The following PTPRM variants were observed in gnomAD, a reference collection of about 807,000 sequenced individuals.
The protein encoded by PTPRM is protein tyrosine phosphatase receptor type M.
PTPRM carries 47 observed loss-of-function variants against 186.7 expected under a neutral mutation model. The observed-to-expected ratio is 0.25, with a 90% CI of 0.20 to 0.32. The LOEUF (loss-of-function observed/expected upper bound fraction) is 0.32. Among genes scored for constraint, PTPRM ranks in the 10% least tolerant of loss-of-function variants. PTPRM has a pLI of 1.00. For synonymous variants in PTPRM, 668 were observed against 674.9 expected (o/e 0.99, Z 0.16); for missense variants, 1,494 against 1,865.0 (o/e 0.80, Z 3.66).
At chr18:7,782,134 A>C (rs2042886482) in intron 2 of PTPRM, among the ~76,000 whole-genome samples, 1 of 152,162 alleles carries the variant, frequency 6.6e-6, no homozygotes, top group Non-Finnish European at 1.5e-5. Flanking sequence ...AAAACAAACC[A>C]TTTCATGTCA....
chr18:7,628,372 C>T (rs2144048693), intron 1 of PTPRM, among the ~76,000 whole-genome samples: 1 of 152,274 alleles, frequency 6.6e-6, no homozygotes, highest in East Asian at 1.9e-4. Context: ...TTCTGTTATT[C>T]CCTAGTGTAT....
At chr18:7,721,313 A>G (rs1347129487) in intron 1 of PTPRM, among the ~76,000 whole-genome samples, 1 of 151,742 alleles carries the variant, frequency 6.6e-6, no homozygotes, top group Non-Finnish European at 1.5e-5. Flanking sequence ...GCTATTTTAT[A>G]ATTGGATTTT....
chr18:8,073,364 A>G (rs1282986568), intron 8 of PTPRM, among the ~76,000 whole-genome samples: 3 of 152,262 alleles, frequency 2.0e-5, no homozygotes, highest in African/African-American at 7.2e-5. Context: ...TGTCATCATC[A>G]TAAACACTTT....
intron 1 of PTPRM, among the ~76,000 whole-genome samples, chr18:7,688,698 C>T (rs978722403): frequency 2.0e-5 from 3 of 152,176 alleles, no homozygotes; most frequent in African/African-American, 7.2e-5. Context: ...ACACCTGTTC[C>T]CCTTCTGGCA....
intron 19 of PTPRM, among the ~76,000 whole-genome samples, chr18:8,288,342 A>G (rs1324945242): frequency 2.0e-5 from 3 of 152,206 alleles, no homozygotes; most frequent in Non-Finnish European, 4.4e-5. Flanking sequence ...CAGCCTCGAG[A>G]AGACATTCCA....
At chr18:8,314,560 G>A (rs1393986788) in intron 20 of PTPRM, among the ~76,000 whole-genome samples, 1 of 152,188 alleles carries the variant, frequency 6.6e-6, no homozygotes, top group Non-Finnish European at 1.5e-5. Flanking sequence ...AATGATCAAA[G>A]AATAAGTTAA....
intron 32 of PTPRM, chr18:8,399,560 C>T (rs58876040): frequency 3.0e-4 from 46 of 152,332 alleles, no homozygotes; most frequent in African/African-American, 1.0e-3. Context: ...TAGAAGGCTA[C>T]GGGGCTTTTC....
In PTPRM at chr18:7,568,686, C is replaced by T. The variant is rs1047339971; in HGVS notation, c.73+795C>T. On this transcript the variant is annotated intron_variant, in intron 1 of 32. Transcript: ENST00000580170. The surrounding 1 kb of genome is among the most constrained non-coding windows in gnomAD (Gnocchi z 5.1). The stretch of plus-strand genomic sequence containing the variant: ...GGGGGTCCCAGGTGGGAAGGAGAGG[C>T]ACTGGCGGTGTGCGAGCAAGCGTGT... Among the ~76,000 whole-genome samples, 2 of 152,164 alleles carry T rather than the reference C, an allele frequency of 1.3e-5. No homozygotes were observed. The highest frequency in any genetic ancestry group is 2.9e-5 in the Non-Finnish European group (2 of 68,018).
intron 22 of PTPRM, among the ~76,000 whole-genome samples, chr18:8,330,684 G>T (rs971028243): frequency 2.1e-5 from 3 of 145,738 alleles, no homozygotes; most frequent in Non-Finnish European, 1.5e-5. Flanking sequence ...CTTGATTGCC[G>T]TCTCTCTGTT....
At chr18:8,050,870 T>C (rs930307428) in intron 7 of PTPRM, among the ~76,000 whole-genome samples, 1 of 152,018 alleles carries the variant, frequency 6.6e-6, no homozygotes, top group Non-Finnish European at 1.5e-5. Flanking sequence ...CAGCCCTGAG[T>C]TCCATTTCAT....
At chr18:8,040,536 ATTT>A (rs2086628557) in intron 7 of PTPRM, among the ~76,000 whole-genome samples, 2 of 152,194 alleles carry the variant, frequency 1.3e-5, no homozygotes, top group Non-Finnish European at 2.9e-5. Context: ...AGTGATATGT[ATTT>A]TTATGTGAGG....
At chr18:7,848,214 A>G (rs1036099238) in intron 2 of PTPRM, among the ~76,000 whole-genome samples, 1 of 152,152 alleles carries the variant, frequency 6.6e-6, no homozygotes, top group Admixed American at 6.6e-5. Context: ...CTGAAATCAT[A>G]ATGTTAAGGC....
chr18:7,854,868 G>A (rs549529446), intron 2 of PTPRM, among the ~76,000 whole-genome samples: 7 of 151,798 alleles, frequency 4.6e-5, no homozygotes, highest in Non-Finnish European at 1.0e-4. Context: ...TCATCCAGCC[G>A]ACCTAGACTT....
intron 1 of PTPRM, among the ~76,000 whole-genome samples, chr18:7,680,511 T>G (rs972210649): frequency 6.6e-6 from 1 of 152,192 alleles, no homozygotes; most frequent in Non-Finnish European, 1.5e-5. Context: ...AATTGTGTTG[T>G]GGTGCCTCAT....
At chr18:7,900,515 T>G (rs914141250) in intron 3 of PTPRM, among the ~76,000 whole-genome samples, 3 of 152,146 alleles carry the variant, frequency 2.0e-5, no homozygotes, top group African/African-American at 7.2e-5. Flanking sequence ...ATGTAAAAAT[T>G]TTAGAACCTG....
chr18:8,193,400 ATTC>A (rs1172407399), intron 14 of PTPRM, among the ~76,000 whole-genome samples: 1 of 152,204 alleles, frequency 6.6e-6, no homozygotes, highest in African/African-American at 2.4e-5. Context: ...TGTAATTTTA[ATTC>A]TTCTTTCCAA....
At chr18:7,895,096 A>G (rs1242763091) in intron 3 of PTPRM, among the ~76,000 whole-genome samples, 3 of 152,210 alleles carry the variant, frequency 2.0e-5, no homozygotes, top group Non-Finnish European at 4.4e-5. Context: ...TTTGTGTTAC[A>G]AAGAATGGGA....
intron 1 of PTPRM, among the ~76,000 whole-genome samples, chr18:7,690,594 G>A (rs184172017): frequency 6.6e-6 from 1 of 152,212 alleles, no homozygotes; most frequent in Admixed American, 6.5e-5. Flanking sequence ...ACATTTAATA[G>A]GTTCTAGAGA....
intron 13 of PTPRM, among the ~76,000 whole-genome samples, chr18:8,129,705 A>G (rs1196933554): frequency 6.6e-6 from 1 of 152,232 alleles, no homozygotes; most frequent in Non-Finnish European, 1.5e-5. Context: ...TTGTGTTCCA[A>G]TATATTAGAT....
Sources: gnomAD v4.1 joint callset for allele counts (sites outside exome capture counted in the v4.1 genomes callset) on GRCh38, gnomAD v4.1.1 for gene constraint, Gnocchi (gnomAD v3.1) non-coding constraint, MANE v1.5 for transcripts, NCBI Gene and HGNC (gene_info 2026-07-23, HGNC 2026-07-21) for gene names.